VRK2: variants seen among roughly 807,000 people sequenced by gnomAD.
VRK2 encodes the protein serine/threonine-protein kinase VRK2.
Under a neutral mutation model 57.6 loss-of-function variants are expected in VRK2, and 60 were observed. That is an observed-to-expected ratio of 1.04 (90% CI 0.85 to 1.29). The LOEUF is 1.29. VRK2 is among the 50% of genes most tolerant of loss of function. The pLI, the probability that VRK2 is intolerant of heterozygous loss-of-function variation, is 0.00. For synonymous variants in VRK2, 231 were observed against 199.2 expected (o/e 1.16, Z -1.35); for missense variants, 705 against 588.1 (o/e 1.20, Z -2.06).
intron 12 of VRK2, among the ~76,000 whole-genome samples, chr2:58,150,562 G>GTTTTTTTTTTTTA (rs1682857449): frequency 1.0e-5 from 1 of 95,584 alleles, no homozygotes; most frequent in African/African-American, 3.8e-5. Context: ...TTTTTTTTTA[G>GTTTTTTTTTTTTA]TTTTTTTTTT....
intron 1 of VRK2, among the ~76,000 whole-genome samples, chr2:57,959,532 C>A (rs933135638): frequency 1.3e-5 from 2 of 152,136 alleles, no homozygotes; most frequent in Non-Finnish European, 2.9e-5. Flanking sequence ...TTGGAAAGCT[C>A]CAGTAAGCTT....
intron 1 of VRK2, among the ~76,000 whole-genome samples, chr2:57,935,581 G>A (rs894361097): frequency 9.9e-5 from 15 of 152,228 alleles, no homozygotes; most frequent in Middle Eastern, 3.4e-3. Flanking sequence ...TTGTGGGTCC[G>A]GAGGTAAAAT....
intron 2 of VRK2, among the ~76,000 whole-genome samples, chr2:58,076,319 A>T (rs765498372): frequency 6.6e-6 from 1 of 151,984 alleles, no homozygotes; most frequent in Non-Finnish European, 1.5e-5. Context: ...CCTACCTTAA[A>T]TGTGCTCAGA....
At chr2:58,008,983 G>A (rs1475486033) in intron 1 of VRK2, among the ~76,000 whole-genome samples, 6 of 152,010 alleles carry the variant, frequency 3.9e-5, no homozygotes. Flanking sequence ...ATACTCACAG[G>A]GAGAAGGTAG....
chr2:57,987,141 T>C (rs1167626902), intron 1 of VRK2, among the ~76,000 whole-genome samples: 1 of 151,912 alleles, frequency 6.6e-6, no homozygotes, highest in Non-Finnish European at 1.5e-5. Flanking sequence ...AAGCATAAAA[T>C]ATTATAAGAA....
chr2:58,113,383 A>G (rs1675885599), intron 7 of VRK2, among the ~76,000 whole-genome samples: 1 of 151,852 alleles, frequency 6.6e-6, no homozygotes, highest in Non-Finnish European at 1.5e-5. Flanking sequence ...ATGGAACTTC[A>G]GAGAGAGCCC....
In VRK2 at chr2:57,926,998, T is replaced by TTGTGTGTGTGTGTGTGTGTGTGTG. The variant is rs57943937; in HGVS notation, c.-439+19169_-439+19192dup. Among the ~76,000 whole-genome samples the TTGTGTGTGTGTGTGTGTGTGTGTG allele has an allele frequency of 1.1e-3, 152 of 142,808 alleles. 1 individual carries two copies. The highest frequency in any genetic ancestry group is 3.7e-3 in the African/African-American group (142 of 38,474). The allele number at this position is 142,808 out of a possible 152,430, so 93.7% of individuals were successfully genotyped here. A position where few individuals can be genotyped will look rare whatever the true frequency, so the allele number is the denominator to read the frequency against. On this transcript the variant is annotated intron_variant, in intron 1 of 15. Coordinates refer to the VRK2 transcript ENST00000417641. ...TTCTCTGGTAATATGTTTTAATTTC[T>TTGTGTGTGTGTGTGTGTGTGTGTG]TGTGTGTGTGTGTGTGTGTGTGTGT... is the stretch of plus-strand genomic sequence containing the variant.
At chr2:58,115,094 G>T (rs184780042) in intron 7 of VRK2, among the ~76,000 whole-genome samples, 75 of 152,316 alleles carry the variant, frequency 4.9e-4, no homozygotes, top group Admixed American at 6.5e-4. Flanking sequence ...GAGGTTCTGA[G>T]AGGCGGGCTA....
intron 7 of VRK2, among the ~76,000 whole-genome samples, chr2:58,107,249 C>T (rs185487079): frequency 6.6e-6 from 1 of 152,184 alleles, no homozygotes; most frequent in Admixed American, 6.5e-5. Context: ...TTGCTGAATA[C>T]ATATATATAC....
At chr2:58,032,407 T>C (rs891593361) in intron 2 of VRK2, among the ~76,000 whole-genome samples, 1 of 152,078 alleles carries the variant, frequency 6.6e-6, no homozygotes, top group Non-Finnish European at 1.5e-5. Context: ...GACAGGTTCA[T>C]AAAATAGCAT....
chr2:58,070,493 C>T (rs2103982884), intron 2 of VRK2, among the ~76,000 whole-genome samples: 1 of 152,292 alleles, frequency 6.6e-6, no homozygotes, highest in Middle Eastern at 3.4e-3. Flanking sequence ...CCCTAAACCT[C>T]AGGCAACCAC....
At chr2:58,034,087 T>C (rs959515616) in intron 3 of VRK2, among the ~76,000 whole-genome samples, 2 of 152,202 alleles carry the variant, frequency 1.3e-5, no homozygotes, top group African/African-American at 4.8e-5. Flanking sequence ...CCTCTCACTA[T>C]GAATCATTCT....
chr2:57,943,212 G>T (rs756890414), intron 1 of VRK2, among the ~76,000 whole-genome samples: 1 of 152,032 alleles, frequency 6.6e-6, no homozygotes, highest in African/African-American at 2.4e-5. Flanking sequence ...ATCCAAGAAG[G>T]TACACAAGAC....
intron 1 of VRK2, among the ~76,000 whole-genome samples, chr2:57,921,786 T>C (rs1670358909): frequency 6.6e-6 from 1 of 152,114 alleles, no homozygotes; most frequent in East Asian, 1.9e-4. Context: ...CTATGATTTA[T>C]GTTTTATAAT....
chr2:58,044,975 A>G (rs59264390), upstream of VRK2, among the ~76,000 whole-genome samples: 3,935 of 152,272 alleles, frequency 0.026, 167 homozygotes, highest in African/African-American at 0.09. Flanking sequence ...CTATCTCTCA[A>G]TCCTCCTCCT....
intron 1 of VRK2, among the ~76,000 whole-genome samples, chr2:57,941,840 A>C (rs1671104013): frequency 6.6e-6 from 1 of 152,216 alleles, no homozygotes; most frequent in African/African-American, 2.4e-5. Context: ...CCATATCCCC[A>C]AGAGTGTATA....
chr2:58,146,284 A>T, intron 11 of VRK2, 32 bp from the exon 12 acceptor site: 1 of 1,537,012 alleles, frequency 6.5e-7, no homozygotes, highest in Non-Finnish European at 8.7e-7. Context: ...AAAAGTTTTC[A>T]TTATATATTA....
chr2:58,013,661 G>C (rs981919799), intron 1 of VRK2, among the ~76,000 whole-genome samples: 5 of 151,778 alleles, frequency 3.3e-5, no homozygotes, highest in African/African-American at 1.2e-4. Context: ...CACGAGGTCA[G>C]GAGATCGAGA....
At chr2:57,938,545 C>T (rs1670991374) in intron 1 of VRK2, among the ~76,000 whole-genome samples, 1 of 152,148 alleles carries the variant, frequency 6.6e-6, no homozygotes, top group African/African-American at 2.4e-5. Flanking sequence ...CCACTTAATG[C>T]ATTATCAGAT....
Sources: gnomAD v4.1 joint callset for allele counts (sites outside exome capture counted in the v4.1 genomes callset) on GRCh38, gnomAD v4.1.1 for gene constraint, MANE v1.5 for transcripts, NCBI Gene and HGNC (gene_info 2026-07-23, HGNC 2026-07-21) for gene names.